TBC1D4: variants seen among roughly 807,000 people sequenced by gnomAD.
The protein encoded by TBC1D4 is TBC (Tre-2, BUB2, CDC16) domain-containing protein.
A neutral mutation model predicts 142.5 loss-of-function variants in TBC1D4; 121 were observed. That is an observed-to-expected ratio of 0.85 (90% confidence interval 0.73 to 0.99). TBC1D4 has a LOEUF of 0.99. TBC1D4 is among the 50% of genes least tolerant of loss of function. TBC1D4 has a pLI of 0.00. For synonymous variants in TBC1D4, 630 were observed against 628.2 expected, an observed-to-expected ratio of 1.00 and a Z score of -0.04; for missense variants, 1,475 against 1,606.6, an observed-to-expected ratio of 0.92 and a Z score of 1.40.
At chr13:75,407,916 A>G (rs1363244963) in intron 1 of TBC1D4, among the ~76,000 whole-genome samples, 1 of 152,212 alleles carries the variant, frequency 6.6e-6, no homozygotes, top group Non-Finnish European at 1.5e-5. Context: ...GAAATGGGGA[A>G]CGAGCCGGGA....
Position 75,359,799 on chromosome 13 carries a change from C to A in TBC1D4, c.1140G>T (p.Lys380Asn), listed in dbSNP as rs751078491. 3 of 1,613,416 alleles carry A rather than the reference C, an allele frequency of 1.9e-6. No individual in the cohort carries two copies. The highest frequency in any genetic ancestry group is 2.5e-6 in the Non-Finnish European group (3 of 1,179,746). Residue 380 changes from lysine (K) to asparagine (N), a missense_variant, in exon 3 of 21, where the codon AAG (lysine) becomes AAT (asparagine). This residue lies in a region of TBC1D4 where 1,227 missense variants were observed against 1,267.7 expected (regional missense o/e 0.97). Coordinates refer to ENST00000377636, the MANE Select transcript of TBC1D4 (RefSeq NM_014832.5). ...AACAAGAGGAGATATCTTTAAAATTCTTTTCTAGCACAACTGATTTAGTGT... is the reference window on the plus strand; with the variant it reads ...AACAAGAGGAGATATCTTTAAAATTATTTTCTAGCACAACTGATTTAGTGT... Reference protein sequence around the residue: ...SPDTKSVVLEKNFKDISSCSQ... With the variant: ...SPDTKSVVLENNFKDISSCSQ...
chr13:75,343,586 C>T (rs1049165783), intron 5 of TBC1D4, among the ~76,000 whole-genome samples: 1 of 151,994 alleles, frequency 6.6e-6, no homozygotes, highest in African/African-American at 2.4e-5. Flanking sequence ...GGCGCGATCT[C>T]GACTCACCGC....
intron 12 of TBC1D4, among the ~76,000 whole-genome samples, chr13:75,319,808 T>G (rs1284663532): frequency 6.6e-6 from 1 of 152,230 alleles, no homozygotes; most frequent in East Asian, 1.9e-4. Flanking sequence ...ACAGGATTTC[T>G]GTCTGCAATC....
At chr13:75,381,871 G>A (rs1470159341) in intron 1 of TBC1D4, among the ~76,000 whole-genome samples, 1 of 152,176 alleles carries the variant, frequency 6.6e-6, no homozygotes, top group African/African-American at 2.4e-5. Flanking sequence ...AATAAGTGCT[G>A]TACGGCCACA....
At chr13:75,345,826 A>G (rs1450086680) in intron 5 of TBC1D4, among the ~76,000 whole-genome samples, 1 of 152,206 alleles carries the variant, frequency 6.6e-6, no homozygotes, top group Non-Finnish European at 1.5e-5. Flanking sequence ...AGTCCTTTGT[A>G]TAAGTGATAG....
Position 75,312,737 on chromosome 13 carries a change from C to T in TBC1D4, c.2383+1G>A. 1.2e-6 allele frequency: 2 copies of T among 1,614,192 alleles called. No individual in the cohort carries two copies. The highest frequency in any genetic ancestry group is 2.2e-5 in the East Asian group (1 of 44,876). ...AATTCCTTAGGGAGTGCAACACAGA[C>T]CTTGCTGTTGCATTGCTGAGGGAGA... On this transcript the variant is annotated splice_donor_variant, in intron 13 of 20. Coordinates refer to ENST00000377636, the MANE Select transcript of TBC1D4 (RefSeq NM_014832.5). LOFTEE classifies it high-confidence loss of function.
At chr13:75,311,602 AC>A (rs1877762159) in intron 13 of TBC1D4, among the ~76,000 whole-genome samples, 1 of 152,078 alleles carries the variant, frequency 6.6e-6, no homozygotes. Context: ...ATGGCTTTTA[AC>A]TGCTCCCTAG....
Position 75,482,005 on chromosome 13 carries a change from G to A in TBC1D4, c.-238C>T, listed in dbSNP as rs1020096666. Reference sequence around the variant, plus strand: ...AGGCAAGCGCCCGGCAGGCGAGGGCGGGTTAAATGGGCATCCTCCTCCTTG... The same window carrying A: ...AGGCAAGCGCCCGGCAGGCGAGGGCAGGTTAAATGGGCATCCTCCTCCTTG... On this transcript the variant is annotated 5_prime_UTR_variant, in exon 1 of 21. Transcript: ENST00000377636. 6.8e-6 allele frequency: 3 copies of A among 442,152 alleles called. No homozygotes were observed. The highest frequency in any genetic ancestry group is 9.1e-5 in the Admixed American group (2 of 22,046). The allele number at this position is 442,152 out of a possible 1,614,324, so 27.4% of individuals were successfully genotyped here.
At chr13:75,340,763 A>G (rs1045736119) in intron 7 of TBC1D4, among the ~76,000 whole-genome samples, 1 of 152,066 alleles carries the variant, frequency 6.6e-6, no homozygotes, top group African/African-American at 2.4e-5. Flanking sequence ...CCTGACCAAC[A>G]TGGAGAAACC....
intron 1 of TBC1D4, among the ~76,000 whole-genome samples, chr13:75,368,593 T>C (rs11619865): frequency 0.43 from 65,075 of 152,094 alleles, 15,079 homozygotes; most frequent in South Asian, 0.66. Context: ...TCTCCTCTCA[T>C]GCTGTCTCAC....
rs1432876511 is a variant in TBC1D4 at position 75,481,544 on chromosome 13, C to T, written c.224G>A (p.Gly75Glu). 2 of 1,590,722 alleles carry T rather than the reference C, an allele frequency of 1.3e-6. No homozygotes were observed. The highest frequency in any genetic ancestry group is 1.7e-6 in the Non-Finnish European group (2 of 1,169,410). ...GATCACCTCTCGGGCCGCCGGCGCC[C>T]CGCAGCCGCCCGCCTCGGGCTTCTG... ...RSQKPEAGGC[G>E]APAAREVILV... The change falls in exon 1 of 21, where the codon GGG (glycine) becomes GAG (glutamate). Residue 75 changes from glycine (G) to glutamate (E), a missense_variant. Coordinates refer to ENST00000377636, the MANE Select transcript of TBC1D4 (RefSeq NM_014832.5).
At chr13:75,292,529 T>C (rs1354486864) in intron 18 of TBC1D4, among the ~76,000 whole-genome samples, 1 of 152,160 alleles carries the variant, frequency 6.6e-6, no homozygotes, top group African/African-American at 2.4e-5. Flanking sequence ...GAACTACTTG[T>C]AATTTTTAAT....
chr13:75,322,020 T>C (rs982238005), intron 11 of TBC1D4, among the ~76,000 whole-genome samples: 2 of 152,068 alleles, frequency 1.3e-5, no homozygotes, highest in South Asian at 4.2e-4. Context: ...ATGGGGATGG[T>C]GATTAGATGG....
intron 1 of TBC1D4, among the ~76,000 whole-genome samples, chr13:75,413,712 C>A (rs527435031): frequency 6.6e-6 from 1 of 152,098 alleles, no homozygotes; most frequent in Admixed American, 6.6e-5. Flanking sequence ...CTAAGCATCA[C>A]GGCGGGAAAC....
chr13:75,409,565 C>T (rs532909004), intron 1 of TBC1D4, among the ~76,000 whole-genome samples: 1 of 152,300 alleles, frequency 6.6e-6, no homozygotes, highest in Admixed American at 6.5e-5. Flanking sequence ...TATTGGGTTT[C>T]TCTGGAAGTT....
intron 1 of TBC1D4, among the ~76,000 whole-genome samples, chr13:75,454,018 A>C (rs1339607788): frequency 1.5e-5 from 2 of 129,590 alleles, no homozygotes; most frequent in Admixed American, 1.6e-4. Context: ...TCCTGTAATA[A>C]ATCTCTATTT....
Position 75,458,366 on chromosome 13 carries a change from G to A in TBC1D4, c.498+22904C>T, listed in dbSNP as rs189808276. Among the ~76,000 whole-genome samples, 137 of 152,298 alleles carry A rather than the reference G, an allele frequency of 9.0e-4. 2 individuals are homozygous for A. Among genetic ancestry groups the A allele is most frequent in the African/African-American group, 3.1e-3 (130 of 41,562 alleles). ...CTCTGCTGCACAGCTCTGCCACTCT[G>A]CTGCTCTTCTGCTCCTCTTTTTCTC... On this transcript the variant is annotated intron_variant, in intron 1 of 20. Transcript: ENST00000377636.
chr13:75,410,914 C>T (rs1448864581), intron 1 of TBC1D4, among the ~76,000 whole-genome samples: 3 of 106,686 alleles, frequency 2.8e-5, no homozygotes, highest in Non-Finnish European at 5.1e-5. Context: ...CCAGCCTGGG[C>T]GACAGAGCGA....
At chr13:75,415,534 C>T (rs1885883164) in intron 1 of TBC1D4, among the ~76,000 whole-genome samples, 2 of 152,196 alleles carry the variant, frequency 1.3e-5, no homozygotes, top group South Asian at 2.1e-4. Flanking sequence ...TAACAGACCA[C>T]CAAATGTGCT....
Sources: gnomAD v4.1 joint callset for allele counts (sites outside exome capture counted in the v4.1 genomes callset) on GRCh38, gnomAD v4.1.1 for gene constraint, gnomAD v4.1.1 regional missense constraint, MANE v1.5 for transcripts, NCBI Gene and HGNC (gene_info 2026-07-23, HGNC 2026-07-21) for gene names.